The following NCAM1 variants were observed in gnomAD, a reference collection of about 807,000 sequenced individuals.
NCAM1 encodes the protein neural cell adhesion molecule 1, also known as antigen recognized by monoclonal antibody 5.1H11.
A neutral mutation model predicts 109.8 loss-of-function variants in NCAM1; 14 were observed. The observed-to-expected ratio is 0.13, with a 90% confidence interval of 0.08 to 0.20. The LOEUF (loss-of-function observed/expected upper bound fraction) is 0.20. Among genes scored for constraint, NCAM1 ranks in the 10% least tolerant of loss-of-function variants. The pLI, the probability that NCAM1 is intolerant of heterozygous loss-of-function variation, is 1.00. For missense variants in NCAM1, 774 were observed against 1,109.9 expected, an observed-to-expected ratio of 0.70 and a Z score of 4.30; for synonymous variants, 418 against 442.9, an observed-to-expected ratio of 0.94 and a Z score of 0.70.
intron 14 of NCAM1, chr11:113,240,685 C>G: frequency 9.0e-7 from 1 of 1,107,342 alleles, no homozygotes; most frequent in Non-Finnish European, 1.4e-6. Flanking sequence ...ACTTCAGCTC[C>G]TCATACTGAT....
intron 1 of NCAM1, among the ~76,000 whole-genome samples, chr11:112,982,546 GCTAC>G (rs1800238196): frequency 1.3e-5 from 2 of 151,878 alleles, no homozygotes; most frequent in Admixed American, 1.3e-4. Context: ...GGTAGGAGGA[GCTAC>G]TGTAGAGGCT....
chr11:113,257,350 A>G, intron 16 of NCAM1, among the ~76,000 whole-genome samples: 1 of 152,258 alleles, frequency 6.6e-6, no homozygotes, highest in South Asian at 2.1e-4. Context: ...TTATTCTGGA[A>G]GAATAGGTCA....
intron 1 of NCAM1, among the ~76,000 whole-genome samples, chr11:113,105,377 A>G (rs1240976643): frequency 6.6e-6 from 1 of 152,174 alleles, no homozygotes; most frequent in Non-Finnish European, 1.5e-5. Context: ...GCATAACATA[A>G]CATATTTCTT....
chr11:113,226,694 A>G (rs1207859175), intron 9 of NCAM1, among the ~76,000 whole-genome samples: 1 of 152,232 alleles, frequency 6.6e-6, no homozygotes, highest in African/African-American at 2.4e-5. Flanking sequence ...AGCACTCCTC[A>G]GCAAATGTAA....
chr11:113,175,901 G>A (rs1591388594), intron 1 of NCAM1, among the ~76,000 whole-genome samples: 1 of 152,180 alleles, frequency 6.6e-6, no homozygotes, highest in Non-Finnish European at 1.5e-5. Flanking sequence ...TGATGAGAGG[G>A]TAGAAGAAGA....
At chr11:113,153,066 A>G (rs550022330) in intron 1 of NCAM1, among the ~76,000 whole-genome samples, 2 of 150,914 alleles carry the variant, frequency 1.3e-5, no homozygotes, top group South Asian at 4.2e-4. Context: ...TTTTTGAGAC[A>G]GAATCTCGCT....
At chr11:113,027,714 A>G (rs1363690539) in intron 1 of NCAM1, among the ~76,000 whole-genome samples, 1 of 152,198 alleles carries the variant, frequency 6.6e-6, no homozygotes, top group Non-Finnish European at 1.5e-5. Flanking sequence ...ATAAGATGAG[A>G]CACTTCCAAA....
chr11:113,011,024 C>T (rs1952035672), intron 1 of NCAM1, among the ~76,000 whole-genome samples: 1 of 151,196 alleles, frequency 6.6e-6, no homozygotes, highest in African/African-American at 2.4e-5. Context: ...AGGTTAGTTA[C>T]ATATGTATAC....
intron 9 of NCAM1, among the ~76,000 whole-genome samples, chr11:113,227,646 C>G (rs1436258437): frequency 6.6e-6 from 1 of 152,172 alleles, no homozygotes; most frequent in African/African-American, 2.4e-5. Context: ...GAATTTTAGA[C>G]CAATATCCCT....
chr11:113,156,574 G>A (rs1356617323), intron 1 of NCAM1, among the ~76,000 whole-genome samples: 1 of 152,124 alleles, frequency 6.6e-6, no homozygotes, highest in African/African-American at 2.4e-5. Context: ...ATACAGATTT[G>A]TCATGACGTG....
intron 1 of NCAM1, among the ~76,000 whole-genome samples, chr11:113,086,443 G>A (rs899987612): frequency 5.9e-5 from 9 of 152,130 alleles, no homozygotes; most frequent in Non-Finnish European, 1.0e-4. Context: ...TTCATTGATC[G>A]GTGGACATAT....
chr11:113,222,726 G>A (rs1270931017), intron 9 of NCAM1, among the ~76,000 whole-genome samples: 1 of 152,150 alleles, frequency 6.6e-6, no homozygotes, highest in Non-Finnish European at 1.5e-5. Context: ...AGGAGGAGCT[G>A]AGATTTATCA....
chr11:113,153,234 G>A (rs993833774), intron 1 of NCAM1, among the ~76,000 whole-genome samples: 6 of 152,220 alleles, frequency 3.9e-5, no homozygotes, highest in Middle Eastern at 6.8e-3. Context: ...GTAGAGATGA[G>A]TTTTCACTAT....
At chr11:113,026,195 A>T (rs1952541044) in intron 1 of NCAM1, among the ~76,000 whole-genome samples, 1 of 152,354 alleles carries the variant, frequency 6.6e-6, no homozygotes, top group East Asian at 1.9e-4. Flanking sequence ...CAGACATAGC[A>T]TCTAAAGCCA....
rs554366549 is a variant in NCAM1, at chr11:113,013,904, T to G, written c.52+52240T>G. ...TTCTTAAGTGAAATGTTTGGCATAT[T>G]GCCCAAGATTTTGATACATGATACC... On this transcript the variant is annotated intron_variant, in intron 1 of 19. Coordinates refer to ENST00000316851, the MANE Select transcript of NCAM1 (RefSeq NM_181351.5). Among the ~76,000 whole-genome samples the G allele has an allele frequency of 6.6e-5, 10 of 152,352 alleles. No homozygotes were observed. The South Asian group carries it at 1.0e-3, about 16-fold the overall frequency.
At chr11:113,055,439 T>A (rs1953660650) in intron 1 of NCAM1, among the ~76,000 whole-genome samples, 1 of 152,202 alleles carries the variant, frequency 6.6e-6, no homozygotes, top group Non-Finnish European at 1.5e-5. Context: ...TTTACAGAAA[T>A]TTTTAGTCGT....
intron 15 of NCAM1, 88 bp from the exon 16 acceptor site, chr11:113,255,789 G>T: frequency 6.8e-7 from 1 of 1,462,312 alleles, no homozygotes; most frequent in Non-Finnish European, 9.4e-7. Flanking sequence ...AAAGTGTCCA[G>T]CCCCACCCTG....
rs782366462 is a variant in NCAM1, at chr11:113,031,697, G to GAAAAGA, written c.52+70050_52+70055dup. 1.2e-4 allele frequency among the ~76,000 whole-genome samples: 18 copies of GAAAAGA among 146,950 alleles called. No homozygotes were observed. The East Asian group carries it at 3.5e-3, about 28-fold the overall frequency. ...AAGTGAGACTGTCTCAAAAAAAAAA[G>GAAAAGA]AAAAGAAAAAGAAAAAGAAAAAAGG... is the stretch of plus-strand genomic sequence containing the variant. On this transcript the variant is annotated intron_variant, in intron 1 of 19. Coordinates refer to ENST00000316851, the MANE Select transcript of NCAM1 (RefSeq NM_181351.5).
At chr11:113,228,084 G>T (rs145499663) in intron 9 of NCAM1, among the ~76,000 whole-genome samples, 2 of 152,182 alleles carry the variant, frequency 1.3e-5, no homozygotes. Context: ...TCTGGCCAGG[G>T]CAATCAGGCA....
Sources: gnomAD v4.1 joint callset for allele counts (sites outside exome capture counted in the v4.1 genomes callset) on GRCh38, gnomAD v4.1.1 for gene constraint, MANE v1.5 for transcripts, NCBI Gene and HGNC (gene_info 2026-07-23, HGNC 2026-07-21) for gene names.